TEX11: variants seen among roughly 807,000 people sequenced by gnomAD.
TEX11 encodes testis expressed 11.
A neutral mutation model predicts 84.4 loss-of-function variants in TEX11; 7 were observed. That is an observed-to-expected ratio of 0.08 (90% CI 0.05 to 0.16). The LOEUF (loss-of-function observed/expected upper bound fraction) is 0.16, where lower values mean the gene tolerates loss of function less well. TEX11 is among the 10% of genes least tolerant of loss of function. The pLI, the probability that TEX11 is intolerant of heterozygous loss-of-function variation, is 1.00. For missense variants in TEX11, 551 were observed against 660.5 expected, an observed-to-expected ratio of 0.83 and a Z score of 1.82; for synonymous variants, 264 against 222.8, an observed-to-expected ratio of 1.18 and a Z score of -1.64.
intron 9 of TEX11, among the ~76,000 whole-genome samples, chrX:70,774,580 G>A (rs1444249668): frequency 9.0e-6 from 1 of 111,225 alleles, no homozygotes; most frequent in Non-Finnish European, 1.9e-5. Context: ...TAATGAACTA[G>A]CTGAGAAAGA....
chrX:70,651,919 C>T (rs146424961), intron 16 of TEX11, among the ~76,000 whole-genome samples: 2,529 of 111,438 alleles, frequency 0.023, 35 homozygotes, highest in Non-Finnish European at 0.038. Flanking sequence ...AAAGTAAAGT[C>T]GCTTTTATCT....
At chrX:70,772,232 G>A (rs1043067822) in intron 9 of TEX11, among the ~76,000 whole-genome samples, 3 of 111,495 alleles carry the variant, frequency 2.7e-5, no homozygotes. Flanking sequence ...TTGAAAAAGT[G>A]TGCCTATTTG....
chrX:70,558,233 T>C (rs1025906668), intron 25 of TEX11, among the ~76,000 whole-genome samples: 1 of 111,214 alleles, frequency 9.0e-6, no homozygotes, highest in Non-Finnish European at 1.9e-5. Flanking sequence ...TATATATATA[T>C]ATGGAACAGA....
At chrX:70,713,842 T>A (rs1213370553) in intron 13 of TEX11, among the ~76,000 whole-genome samples, 1 of 111,670 alleles carries the variant, frequency 9.0e-6, no homozygotes, top group African/African-American at 3.3e-5. Context: ...AGCTTTTGCA[T>A]GTGTTTGCTC....
chrX:70,628,515 T>C (rs1450107006), intron 18 of TEX11, among the ~76,000 whole-genome samples: 1 of 112,184 alleles, frequency 8.9e-6, no homozygotes. Context: ...TTAACATATA[T>C]ATTAGCTATT....
At chrX:70,723,953 A>G (rs1008799733) in intron 12 of TEX11, 1 of 307,554 alleles carries the variant, frequency 3.3e-6, no homozygotes. Flanking sequence ...GATTTGGGTT[A>G]GCCTCCTAAT....
In TEX11 at chrX:70,750,921, T is replaced by TAAAA. The variant is rs1181422597; in HGVS notation, c.693-6706_693-6703dup. The stretch of plus-strand genomic sequence containing the variant: ...ATGTATCCTAAAACTTAAAGTATAA[T>TAAAA]AAAAAAAAAAAAATATATATATATA... On this transcript the variant is annotated intron_variant, in intron 9 of 29. Coordinates refer to ENST00000374333, the MANE Select transcript of TEX11 (RefSeq NM_031276.3). Among the ~76,000 whole-genome samples, 31 of 35,339 alleles carry TAAAA rather than the reference T, an allele frequency of 8.8e-4. 1 individual carries two copies. In the East Asian group the frequency reaches 0.012, roughly 13 times the overall value. 30.7% of individuals were successfully genotyped at this position (35,339 alleles called of 115,157 possible).
chrX:70,561,419 G>A (rs1329548593), intron 25 of TEX11, among the ~76,000 whole-genome samples: 1 of 84,811 alleles, frequency 1.2e-5, no homozygotes, highest in Non-Finnish European at 2.2e-5. Context: ...ACAGAGTCTC[G>A]TTCTGTCGCC....
chrX:70,641,076 T>A (rs892381381), intron 17 of TEX11, among the ~76,000 whole-genome samples: 21 of 110,899 alleles, frequency 1.9e-4, no homozygotes, highest in Admixed American at 9.6e-5. Flanking sequence ...GAGGAAGATC[T>A]ACCAAGCAAA....
chrX:70,734,013 A>G (rs1368897112), intron 11 of TEX11, among the ~76,000 whole-genome samples: 5 of 111,101 alleles, frequency 4.5e-5, no homozygotes, highest in Non-Finnish European at 7.5e-5. Context: ...GGGGACATGG[A>G]TGAAGCTGGA....
chrX:70,777,389 C>T (rs922359780), intron 9 of TEX11, among the ~76,000 whole-genome samples: 19 of 111,568 alleles, frequency 1.7e-4, no homozygotes, highest in African/African-American at 6.2e-4. Context: ...TGGCTCACGC[C>T]TGTAATCCCA....
At chrX:70,809,807 G>A (rs768831776) in intron 8 of TEX11, among the ~76,000 whole-genome samples, 16 of 110,662 alleles carry the variant, frequency 1.4e-4, no homozygotes, top group South Asian at 7.8e-4. Context: ...ACCCATTCTC[G>A]TGCCTCAGCC....
the TEX11 span, among the ~76,000 whole-genome samples, chrX:70,521,243 C>A: frequency 1.8e-5 from 2 of 111,065 alleles, no homozygotes; most frequent in Non-Finnish European, 3.8e-5. Flanking sequence ...GAGCTGTAGA[C>A]CAGAGCTGTT....
At chrX:70,604,180 A>C (rs909703560) in intron 24 of TEX11, among the ~76,000 whole-genome samples, 38 of 111,894 alleles carry the variant, frequency 3.4e-4, no homozygotes, top group African/African-American at 1.2e-3. Context: ...ATCTCTATTC[A>C]CTAAGATAAA....
At chrX:70,632,208 G>A (rs914067469) in intron 17 of TEX11, among the ~76,000 whole-genome samples, 2 of 110,598 alleles carry the variant, frequency 1.8e-5, no homozygotes, top group African/African-American at 6.6e-5. Context: ...AGCATTAACT[G>A]TCCAGATAGA....
chrX:70,567,472 T>C (rs1032290191), intron 25 of TEX11, among the ~76,000 whole-genome samples: 61 of 110,943 alleles, frequency 5.5e-4, no homozygotes, highest in Admixed American at 8.7e-4. Context: ...GCTCTTGCTT[T>C]TCTAGTTCTT....
At chrX:70,643,601 C>G (rs1341604676) in intron 17 of TEX11, among the ~76,000 whole-genome samples, 2 of 108,890 alleles carry the variant, frequency 1.8e-5, no homozygotes, top group Non-Finnish European at 3.8e-5. Flanking sequence ...GAACAGAGCC[C>G]TCAGAAATAA....
chrX:70,653,573 A>T (rs757041431), intron 16 of TEX11, among the ~76,000 whole-genome samples: 4 of 111,944 alleles, frequency 3.6e-5, no homozygotes, highest in South Asian at 3.7e-4. Flanking sequence ...TGCAACAGGA[A>T]CTCTCATTCA....
At chrX:70,849,939 T>C (rs2091498781) in intron 7 of TEX11, among the ~76,000 whole-genome samples, 1 of 112,099 alleles carries the variant, frequency 8.9e-6, no homozygotes, top group African/African-American at 3.2e-5. Flanking sequence ...TAGTCAAATT[T>C]CCTACCAAAT....
Sources: gnomAD v4.1 joint callset for allele counts (sites outside exome capture counted in the v4.1 genomes callset) on GRCh38, gnomAD v4.1.1 for gene constraint, MANE v1.5 for transcripts, NCBI Gene and HGNC (gene_info 2026-07-23, HGNC 2026-07-21) for gene names.